MYH3: variants seen among roughly 807,000 people sequenced by gnomAD.
MYH3 encodes myosin heavy chain 3.
MYH3 carries 130 observed loss-of-function variants against 238.0 expected under a neutral mutation model. The ratio of observed to expected loss-of-function variants is 0.55; its 90% CI spans 0.47 to 0.63. MYH3 has a LOEUF of 0.63. Among genes scored for constraint, MYH3 ranks in the 30% least tolerant of loss-of-function variants. The pLI, the probability that MYH3 is intolerant of heterozygous loss-of-function variation, is 0.00. For missense variants in MYH3, 1,853 were observed against 2,374.9 expected (o/e 0.78, Z 4.57); for synonymous variants, 880 against 924.1 (o/e 0.95, Z 0.86).
rs766034952 is a variant in MYH3, at chr17:10,635,535, T to C, written c.4004A>G (p.Gln1335Arg). 21 of 1,614,090 alleles carry C rather than the reference T, an allele frequency of 1.3e-5. No individual in the cohort carries two copies. Among genetic ancestry groups the C allele is most frequent in the Non-Finnish European group, 1.7e-5 (20 of 1,180,044 alleles). The stretch of plus-strand genomic sequence containing the variant: ...CAGGTCACAGTCGTGGCGGGAGGAC[T>C]GCAGGGCGTGCGCCAGGGCGTTCTT... ...KAKNALAHALQSSRHDCDLLR... is the reference protein window; with the variant it reads ...KAKNALAHALRSSRHDCDLLR... The change falls in exon 30 of 41, where the codon CAG becomes CGG. Residue 1335 changes from glutamine (Q) to arginine (R), a missense_variant. Physicochemically the swap from Gln to Arg is conservative, Grantham distance 43. Transcript: ENST00000583535.
chr17:10,630,419 T>C lies in MYH3; in HGVS notation c.5326A>G (p.Thr1776Ala), dbSNP rs748776855. 3.1e-6 allele frequency: 5 copies of C among 1,614,190 alleles called. No individual in the cohort carries two copies. The highest frequency in any genetic ancestry group is 4.2e-6 in the Non-Finnish European group (5 of 1,180,038). ...TTCATCCGCTCAAGGTGGGCGCTGGTGTCCTGCTCCTTCTTCAGCTCCTCC... is the reference window on the plus strand; with the variant it reads ...TTCATCCGCTCAAGGTGGGCGCTGGCGTCCTGCTCCTTCTTCAGCTCCTCC... ...MAEELKKEQD[T>A]SAHLERMKKN... The change falls in exon 37 of 41, where the codon ACC (threonine) becomes GCC (alanine). Residue 1776 changes from threonine to alanine, a missense_variant. By Grantham distance (58) the Thr-to-Ala change is moderately conservative. Transcript: ENST00000583535.
chr17:10,656,295 G>A lies in MYH3; in HGVS notation c.-67-147C>T, dbSNP rs2074429555. 2.0e-5 allele frequency: 3 copies of A among 152,282 alleles called. No individual in the cohort carries two copies. The South Asian group carries it at 6.2e-4, about 31-fold the overall frequency. 9.4% of individuals were successfully genotyped at this position (152,282 alleles called of 1,614,324 possible). On this transcript the variant is annotated intron_variant, in intron 1 of 40. Coordinates refer to ENST00000583535, the MANE Select transcript of MYH3 (RefSeq NM_002470.4). ...AATCCCAGCACTTTGGGAAGCCGAG[G>A]CGGAAAGATGGCCTGAGGTCAGGAG...
At chr17:10,661,178 T>A (rs2074477937), upstream of MYH3, among the ~76,000 whole-genome samples, 2 of 150,796 alleles carry the variant, frequency 1.3e-5, no homozygotes, top group South Asian at 4.2e-4. Flanking sequence ...GTTTTTACCA[T>A]GTTAGTCAGG....
At chr17:10,631,275 GA>G (rs2074153765) in intron 36 of MYH3, among the ~76,000 whole-genome samples, 1 of 152,170 alleles carries the variant, frequency 6.6e-6, no homozygotes, top group African/African-American at 2.4e-5. Flanking sequence ...GCCGCCGGGA[GA>G]AAGCCTCGGA....
rs1288946432 is a variant in MYH3 at position 10,645,689 on chromosome 17, G to A, written c.1141+18C>T. 4.3e-6 allele frequency: 7 copies of A among 1,611,880 alleles called. No individual in the cohort carries two copies. Among genetic ancestry groups the A allele is most frequent in the Non-Finnish European group, 5.1e-6 (6 of 1,179,926 alleles). ...GATCAGCCACCCGCTCTGGTTTGCT[G>A]TCACACTGATTTTGTACCTTCTGTG... On this transcript the variant is annotated intron_variant, in intron 12 of 40. Transcript: ENST00000583535.
At chr17:10,646,174 T>C (rs1210885127) in intron 10 of MYH3, 142 bp from the exon 11 acceptor site, 2 of 745,862 alleles carry the variant, frequency 2.7e-6, no homozygotes, top group Admixed American at 2.0e-5. Context: ...TTTAGACAGT[T>C]CCACAATACT....
chr17:10,643,377 T>A (rs558694688), intron 14 of MYH3, among the ~76,000 whole-genome samples: 1 of 152,298 alleles, frequency 6.6e-6, no homozygotes, highest in Non-Finnish European at 1.5e-5. Context: ...TATGCACTTT[T>A]TTTTTTCTTT....
upstream of MYH3, among the ~76,000 whole-genome samples, chr17:10,660,846 G>C (rs1597498115): frequency 6.6e-6 from 1 of 151,786 alleles, no homozygotes; most frequent in Non-Finnish European, 1.5e-5. Flanking sequence ...TTACCTGAGT[G>C]TGGTGGTGGG....
rs1567556669 is a variant in MYH3, at chr17:10,640,552, T to A, written c.2289+11A>T. 1 of 1,614,278 alleles carries A rather than the reference T, an allele frequency of 6.2e-7. No homozygotes were observed. The highest frequency in any genetic ancestry group is 2.2e-5 in the East Asian group (1 of 44,892). ...CGAAAAGGCCAGCATCTGTCAGAAC[T>A]GATGCATTACCTTGGTATGTCCAAA... On this transcript the variant is annotated intron_variant, in intron 20 of 40. Transcript: ENST00000583535.
At position 10,637,953 on chromosome 17, in the gene MYH3, G is replaced by A. The variant is rs779863551; in HGVS notation, c.3730-18C>T. On this transcript the variant is annotated intron_variant, in intron 27 of 40. Coordinates refer to ENST00000583535, the MANE Select transcript of MYH3 (RefSeq NM_002470.4). ...AGATTTGCCTGAAGGATTCAGAAAG[G>A]GGAGCAAAGTCAGTCAGCAAAGTCA... is the stretch of plus-strand genomic sequence containing the variant. 3.1e-6 allele frequency: 5 copies of A among 1,614,152 alleles called. No homozygotes were observed. The highest frequency in any genetic ancestry group is 4.2e-6 in the Non-Finnish European group (5 of 1,180,034).
At chr17:10,667,538 G>A in the MYH3 span, among the ~76,000 whole-genome samples, 11 of 151,970 alleles carry the variant, frequency 7.2e-5, no homozygotes, top group Admixed American at 5.9e-4. Context: ...AAAATTAGCC[G>A]GGTGTTGTGA....
chr17:10,634,729 C>A, intron 31 of MYH3, 111 bp downstream of exon 31: 1 of 1,352,656 alleles, frequency 7.4e-7, no homozygotes, highest in Non-Finnish European at 1.1e-6. Context: ...TTGCCCAAGG[C>A]CACACTGCTG....
Position 10,649,571 on chromosome 17 carries a change from C to G in MYH3, c.642+6G>C, listed in dbSNP as rs762850369. On this transcript the variant is annotated splice_donor_region_variant and intron_variant, in intron 7 of 40. Transcript: ENST00000583535. ...AGCAAAGCAAGCCTTCCTCTCCCATCTATACCTTCATTTTGGAGTCCTTCT... is the reference window on the plus strand; with the variant it reads ...AGCAAAGCAAGCCTTCCTCTCCCATGTATACCTTCATTTTGGAGTCCTTCT... 2 of 1,609,304 alleles carry G rather than the reference C, an allele frequency of 1.2e-6. No individual in the cohort carries two copies. Among genetic ancestry groups the G allele is most frequent in the Non-Finnish European group, 8.5e-7 (1 of 1,175,514 alleles).
chr17:10,660,982 AT>A (rs769646114), upstream of MYH3, among the ~76,000 whole-genome samples: 65 of 144,128 alleles, frequency 4.5e-4, no homozygotes, highest in Admixed American at 4.8e-4. Context: ...GAGACTCCTT[AT>A]TTTTTTTTTT....
chr17:10,640,525 G>A, intron 20 of MYH3, 38 bp downstream of exon 20: 2 of 1,614,234 alleles, frequency 1.2e-6, no homozygotes, highest in Non-Finnish European at 1.7e-6. Flanking sequence ...GTGTCAAGAG[G>A]ACGAAAAGGC....
chr17:10,633,659 G>T lies in MYH3; in HGVS notation c.4579C>A (p.Leu1527Met). 1 of 1,614,006 alleles carries T rather than the reference G, an allele frequency of 6.2e-7. No individual in the cohort carries two copies. Among genetic ancestry groups the T allele is most frequent in the Non-Finnish European group, 8.5e-7 (1 of 1,179,986 alleles). Residue 1527 changes from leucine to methionine, a missense_variant, in exon 33 of 41, where the codon CTG (leucine) becomes ATG (methionine). Physicochemically the swap from Leu to Met is conservative, Grantham distance 15. Transcript: ENST00000583535. ...TCAATCTGCTTTCTTGATTTCTCCA[G>T]TTCATGGATGGTTTTGCCATTTTCA... is the stretch of plus-strand genomic sequence containing the variant. ...IAENGKTIHELEKSRKQIELE... is the reference protein window; with the variant it reads ...IAENGKTIHEMEKSRKQIELE...
At chr17:10,657,635 T>C (rs899927770), upstream of MYH3, among the ~76,000 whole-genome samples, 5 of 151,946 alleles carry the variant, frequency 3.3e-5, no homozygotes. Flanking sequence ...CATCACACCC[T>C]GAACGCGGCG....
rs747867872 is a variant in MYH3 at position 10,634,157 on chromosome 17, C to T, written c.4382G>A (p.Cys1461Tyr). 3 of 1,614,112 alleles carry T rather than the reference C, an allele frequency of 1.9e-6. No homozygotes were observed. In the African/African-American group the frequency reaches 4.0e-5, roughly 22 times the overall value. Residue 1461 changes from cysteine (C) to tyrosine (Y), a missense_variant, in exon 32 of 41, where the codon TGT (cysteine) becomes TAT (tyrosine). Transcript: ENST00000583535. ...DKVLAEWKTK[C>Y]EESQAELEAS... is the part of the protein sequence containing the mutation. ...CTCCAGCTCTGCTTGGCTCTCCTCACACTTTGTCTTCCACTCTGCCAACAC... is the reference window on the plus strand; with the variant it reads ...CTCCAGCTCTGCTTGGCTCTCCTCATACTTTGTCTTCCACTCTGCCAACAC...
In MYH3 at chr17:10,642,877, C is replaced by T. The variant is rs1482121436; in HGVS notation, c.1530G>A (p.Thr510=). 8.1e-6 allele frequency: 13 copies of T among 1,614,076 alleles called. No individual in the cohort carries two copies. Among genetic ancestry groups the T allele is most frequent in the Admixed American group, 3.3e-5 (2 of 60,008 alleles). ...CCAGGTCCATCCCGAAGTCAATGAA[C>T]GTCCACTCGATGCCTTCCTTCTTGT... The part of the protein sequence containing the change: ...EEYKKEGIEW[T]FIDFGMDLAA... Residue 510 remains threonine (T), a synonymous_variant, in exon 15 of 41, where the codon ACG becomes ACA. Transcript: ENST00000583535. This position sits in a 1 kb window ranked among gnomAD's most constrained non-coding sequence, Gnocchi z 5.4.
Sources: gnomAD v4.1 joint callset for allele counts (sites outside exome capture counted in the v4.1 genomes callset) on GRCh38, gnomAD v4.1.1 for gene constraint, Gnocchi (gnomAD v3.1) non-coding constraint, MANE v1.5 for transcripts, NCBI Gene and HGNC (gene_info 2026-07-23, HGNC 2026-07-21) for gene names.